Variants in MYO1B observed in about 807,000 individuals in gnomAD.
The protein encoded by MYO1B is myosin IB.
MYO1B carries 72 observed loss-of-function variants against 159.7 expected under a neutral mutation model. That is an observed-to-expected ratio of 0.45 (90% CI 0.37 to 0.55). The LOEUF is 0.55. MYO1B is among the 20% of genes least tolerant of loss of function. The pLI, the probability that MYO1B is intolerant of heterozygous loss-of-function variation, is 0.00. For synonymous variants in MYO1B, 468 were observed against 473.8 expected, an observed-to-expected ratio of 0.99 and a Z score of 0.16; for missense variants, 1,062 against 1,364.8, an observed-to-expected ratio of 0.78 and a Z score of 3.50.
chr2:191,363,127 C>G (rs1050336508), intron 9 of MYO1B, among the ~76,000 whole-genome samples: 8 of 152,166 alleles, frequency 5.3e-5, no homozygotes, highest in African/African-American at 1.9e-4. Flanking sequence ...GTATCTCTTA[C>G]AGTATGTCGT....
At chr2:191,355,065 G>T (rs1482103265) in intron 7 of MYO1B, among the ~76,000 whole-genome samples, 1 of 152,202 alleles carries the variant, frequency 6.6e-6, no homozygotes. Context: ...CTTGAGGATT[G>T]TTTATATATT....
At chr2:191,333,134 G>T (rs199766105) in intron 4 of MYO1B, among the ~76,000 whole-genome samples, 7 of 152,158 alleles carry the variant, frequency 4.6e-5, no homozygotes, top group African/African-American at 1.7e-4. Flanking sequence ...AAAATTAGTT[G>T]ATTTGCTTAG....
intron 1 of MYO1B, among the ~76,000 whole-genome samples, chr2:191,252,142 T>C (rs545632481): frequency 6.6e-6 from 1 of 152,258 alleles, no homozygotes; most frequent in Non-Finnish European, 1.5e-5. Context: ...CCAATTTGCA[T>C]GGCTTGTTAT....
At chr2:191,374,493 C>A (rs1020597485) in intron 13 of MYO1B, among the ~76,000 whole-genome samples, 1 of 152,104 alleles carries the variant, frequency 6.6e-6, no homozygotes, top group Non-Finnish European at 1.5e-5. Context: ...CATGAAAATG[C>A]CTTTTTTAGC....
intron 13 of MYO1B, among the ~76,000 whole-genome samples, chr2:191,380,717 C>T (rs1694989903): frequency 6.6e-6 from 1 of 152,218 alleles, no homozygotes; most frequent in Non-Finnish European, 1.5e-5. Flanking sequence ...AGGGTATGGG[C>T]CTTCTACAGA....
chr2:191,250,496 A>G (rs908295248), intron 1 of MYO1B, among the ~76,000 whole-genome samples: 2 of 152,220 alleles, frequency 1.3e-5, no homozygotes, highest in Non-Finnish European at 2.9e-5. Flanking sequence ...CCTGTGTTCA[A>G]TGTGGCTGTC....
At chr2:191,334,761 A>G (rs1691719237) in intron 4 of MYO1B, among the ~76,000 whole-genome samples, 1 of 152,204 alleles carries the variant, frequency 6.6e-6, no homozygotes, top group African/African-American at 2.4e-5. Context: ...AGGGTCCAAC[A>G]GAGACGCTAG....
In MYO1B at chr2:191,287,511, CAA is replaced by C. The variant is rs1688447773; in HGVS notation, c.136-8599_136-8598del. On this transcript the variant is annotated intron_variant, in intron 2 of 30. Coordinates refer to ENST00000392318, the MANE Select transcript of MYO1B (RefSeq NM_001130158.3). ...CGCCATTGTACTCCAGCCTGGGCAACAAGAGTGAAACTCCGTCTCAAAAAAAA... is the reference window on the plus strand; with the variant it reads ...CGCCATTGTACTCCAGCCTGGGCAACGAGTGAAACTCCGTCTCAAAAAAAA... Among the ~76,000 whole-genome samples, 3 of 148,770 alleles carry C rather than the reference CAA, an allele frequency of 2.0e-5. No individual in the cohort carries two copies. The South Asian group carries it at 6.4e-4, about 32-fold the overall frequency.
chr2:191,344,229 C>T (rs960090385), intron 5 of MYO1B, among the ~76,000 whole-genome samples: 6 of 152,168 alleles, frequency 3.9e-5, no homozygotes, highest in South Asian at 2.1e-4. Flanking sequence ...GAAATGTCAT[C>T]GTCTTCATGA....
At chr2:191,321,915 C>G (rs1486694293) in intron 3 of MYO1B, among the ~76,000 whole-genome samples, 1 of 152,114 alleles carries the variant, frequency 6.6e-6, no homozygotes, top group South Asian at 2.1e-4. Context: ...CGCCTCTTAC[C>G]TCATGAGTAT....
intron 3 of MYO1B, among the ~76,000 whole-genome samples, chr2:191,308,070 C>G (rs373956387): frequency 5.3e-5 from 8 of 152,146 alleles, no homozygotes; most frequent in Admixed American, 2.0e-4. Context: ...GATTCCCCCC[C>G]ACTCTAATCA....
At chr2:191,363,908 A>G in intron 10 of MYO1B, 33 bp downstream of exon 10, 2 of 1,612,136 alleles carry the variant, frequency 1.2e-6, no homozygotes, top group Non-Finnish European at 8.5e-7. Flanking sequence ...TTGTTTGTTT[A>G]GGAAACTTGC....
chr2:191,397,450 C>G (rs1696187584), intron 21 of MYO1B, among the ~76,000 whole-genome samples: 1 of 151,822 alleles, frequency 6.6e-6, no homozygotes, highest in Admixed American at 6.6e-5. Flanking sequence ...TTGCACCGCC[C>G]TTAATCCATT....
Position 191,277,049 on chromosome 2 carries a change from C to A in MYO1B, c.135+19C>A. 2 of 1,610,656 alleles carry A rather than the reference C, an allele frequency of 1.2e-6. No homozygotes were observed. Among genetic ancestry groups the A allele is most frequent in the South Asian group, 2.2e-5 (2 of 90,358 alleles). On this transcript the variant is annotated intron_variant, in intron 2 of 30. Transcript: ENST00000392318. ...AATATACGTAAGTACACACGAAGGT[C>A]ATCTGTAATGTTTAGACTTTGTATT... is the stretch of plus-strand genomic sequence containing the variant.
chr2:191,372,584 A>G (rs1487292432), intron 13 of MYO1B, among the ~76,000 whole-genome samples: 2 of 152,234 alleles, frequency 1.3e-5, no homozygotes. Flanking sequence ...GATGTATCCT[A>G]TCAGGTAGGA....
In MYO1B at chr2:191,277,026, T is replaced by C. The variant is rs1687794309; in HGVS notation, c.131T>C (p.Ile44Thr). ...AAGAAGCGCTTTGACCACAGTGAAA[T>C]ATACGTAAGTACACACGAAGGTCAT... ...NLKKRFDHSE[I>T]YTYIGSVVIS... The change falls in exon 2 of 31, where the codon ATA (isoleucine) becomes ACA (threonine). Residue 44 changes from isoleucine to threonine, a missense_variant. By Grantham distance (89) the Ile-to-Thr change is moderately conservative. Transcript: ENST00000392318. 1.9e-6 allele frequency: 3 copies of C among 1,613,094 alleles called. No individual in the cohort carries two copies. In the Admixed American group the frequency reaches 5.0e-5, roughly 27 times the overall value.
intron 11 of MYO1B, among the ~76,000 whole-genome samples, chr2:191,365,182 C>T (rs1166704369): frequency 6.6e-6 from 1 of 152,212 alleles, no homozygotes; most frequent in Non-Finnish European, 1.5e-5. Flanking sequence ...TGTGCTATGG[C>T]TTACGCATTT....
intron 4 of MYO1B, among the ~76,000 whole-genome samples, chr2:191,338,744 T>C (rs1448940573): frequency 6.6e-6 from 1 of 152,182 alleles, no homozygotes; most frequent in Non-Finnish European, 1.5e-5. Context: ...TTTTGAGGTT[T>C]TGAAGTTTGG....
intron 4 of MYO1B, among the ~76,000 whole-genome samples, chr2:191,336,863 G>A (rs1464165401): frequency 6.6e-6 from 1 of 152,120 alleles, no homozygotes; most frequent in Non-Finnish European, 1.5e-5. Flanking sequence ...AAAAACTTTG[G>A]TGTCTTAACT....
Sources: allele counts gnomAD v4.1 joint callset (sites outside exome capture counted in the v4.1 genomes callset), GRCh38; gene constraint gnomAD v4.1.1; transcripts MANE v1.5; gene names NCBI Gene and HGNC (gene_info 2026-07-23, HGNC 2026-07-21).